NCAM2: variants seen among roughly 807,000 people sequenced by gnomAD.
NCAM2 encodes neural cell adhesion molecule 2, also known as N-CAM-2.
In NCAM2, 30 loss-of-function variants were observed where a neutral mutation model predicts 98.1. The ratio of observed to expected loss-of-function variants is 0.31; its 90% CI spans 0.23 to 0.41. NCAM2 has a LOEUF of 0.41. Among genes scored for constraint, NCAM2 ranks in the 10% least tolerant of loss-of-function variants. NCAM2 has a pLI of 1.00. For synonymous variants in NCAM2, 368 were observed against 342.4 expected (o/e 1.07, Z -0.83); for missense variants, 867 against 1,005.8 (o/e 0.86, Z 1.87).
Position 21,302,376 on chromosome 21 carries a change from C to A in NCAM2, c.619+10135C>A, listed in dbSNP as rs142034950. Among the ~76,000 whole-genome samples, 1,395 of 152,152 alleles carry A rather than the reference C, an allele frequency of 9.2e-3. 27 individuals are homozygous for A. Among genetic ancestry groups the A allele is most frequent in the African/African-American group, 0.032 (1,310 of 41,522 alleles). On this transcript the variant is annotated intron_variant, in intron 5 of 17. Coordinates refer to ENST00000400546, the MANE Select transcript of NCAM2 (RefSeq NM_004540.5). ...AGCACTATTTAATGAATAGGGAGTT[C>A]TTTCCCCAGTGCTTGTTTTTTTGGC...
intron 1 of NCAM2, among the ~76,000 whole-genome samples, chr21:21,271,347 A>G (rs2072490113): frequency 6.6e-6 from 1 of 152,224 alleles, no homozygotes; most frequent in Non-Finnish European, 1.5e-5. Context: ...CGTATCATCC[A>G]GTGGAGAGAC....
intron 5 of NCAM2, among the ~76,000 whole-genome samples, chr21:21,320,909 G>A (rs1042935513): frequency 1.3e-5 from 2 of 152,258 alleles, no homozygotes; most frequent in Middle Eastern, 3.4e-3. Flanking sequence ...GGCTTCCCAG[G>A]TGTTTCACTT....
chr21:21,150,860 C>G (rs1206855571), intron 1 of NCAM2, among the ~76,000 whole-genome samples: 2 of 151,592 alleles, frequency 1.3e-5, no homozygotes, highest in African/African-American at 4.8e-5. Flanking sequence ...GGGAAGTGCT[C>G]TCTGTTGATT....
intron 1 of NCAM2, among the ~76,000 whole-genome samples, chr21:21,197,569 T>G (rs1387505726): frequency 6.6e-6 from 1 of 152,206 alleles, no homozygotes; most frequent in African/African-American, 2.4e-5. Flanking sequence ...TAAAGCCATA[T>G]GTTAAGAGGC....
chr21:21,458,170 A>G (rs1982428862), intron 12 of NCAM2, among the ~76,000 whole-genome samples: 1 of 152,182 alleles, frequency 6.6e-6, no homozygotes, highest in African/African-American at 2.4e-5. Context: ...CTGTTACGCC[A>G]GCACTACGCC....
chr21:21,270,590 A>G (rs1000905948), intron 1 of NCAM2, among the ~76,000 whole-genome samples: 3 of 152,220 alleles, frequency 2.0e-5, no homozygotes, highest in African/African-American at 7.2e-5. Flanking sequence ...TGTGACTTCT[A>G]TATTTACTTC....
At chr21:21,176,510 T>A (rs2068295294) in intron 1 of NCAM2, among the ~76,000 whole-genome samples, 2 of 152,070 alleles carry the variant, frequency 1.3e-5, no homozygotes, top group African/African-American at 4.8e-5. Context: ...TTTTACAAAA[T>A]ATTAACTCTA....
At chr21:21,495,908 G>A (rs1390152676) in intron 15 of NCAM2, among the ~76,000 whole-genome samples, 3 of 150,488 alleles carry the variant, frequency 2.0e-5, no homozygotes, top group East Asian at 1.9e-4. Flanking sequence ...TTTGCCAAGA[G>A]GTAAACAATA....
At chr21:21,008,172 A>AG (rs2064144879) in intron 1 of NCAM2, among the ~76,000 whole-genome samples, 1 of 151,904 alleles carries the variant, frequency 6.6e-6, no homozygotes, top group South Asian at 2.1e-4. Context: ...TTTGATTAAA[A>AG]AAATTACTTA....
chr21:21,403,001 T>G (rs1416047329), intron 9 of NCAM2, among the ~76,000 whole-genome samples: 2 of 152,168 alleles, frequency 1.3e-5, no homozygotes, highest in Non-Finnish European at 1.5e-5. Flanking sequence ...TTGTAACTGA[T>G]GTGAGTTTAT....
chr21:21,232,866 A>G (rs958436132), intron 1 of NCAM2, among the ~76,000 whole-genome samples: 2 of 151,606 alleles, frequency 1.3e-5, no homozygotes, highest in Non-Finnish European at 3.0e-5. Flanking sequence ...CTTTTGACAT[A>G]TTTAATTACA....
At chr21:21,432,982 T>C (rs2077377477) in intron 12 of NCAM2, among the ~76,000 whole-genome samples, 1 of 152,190 alleles carries the variant, frequency 6.6e-6, no homozygotes. Context: ...CATAGGTCTG[T>C]TCTATGAGGA....
chr21:21,386,410 G>A (rs1489683786), intron 9 of NCAM2, among the ~76,000 whole-genome samples: 1 of 152,094 alleles, frequency 6.6e-6, no homozygotes, highest in East Asian at 1.9e-4. Flanking sequence ...AAACTTTAAA[G>A]AAGATGGCTC....
intron 1 of NCAM2, among the ~76,000 whole-genome samples, chr21:21,009,613 C>G (rs2064170516): frequency 6.6e-6 from 1 of 151,646 alleles, no homozygotes; most frequent in Non-Finnish European, 1.5e-5. Flanking sequence ...GTATAATTAA[C>G]TAGATTAGAT....
At chr21:21,245,556 C>T (rs545110808) in intron 1 of NCAM2, among the ~76,000 whole-genome samples, 2 of 152,256 alleles carry the variant, frequency 1.3e-5, no homozygotes, top group Admixed American at 6.5e-5. Context: ...CAGGAAGACC[C>T]ATGAAGATAA....
chr21:21,435,338 CAT>C, intron 12 of NCAM2, among the ~76,000 whole-genome samples: 1 of 152,236 alleles, frequency 6.6e-6, no homozygotes, highest in South Asian at 2.1e-4. Flanking sequence ...ATGCAAATAT[CAT>C]ATCTCTCCTC....
At chr21:21,527,794 C>T (rs112030448) in intron 16 of NCAM2, among the ~76,000 whole-genome samples, 1 of 152,138 alleles carries the variant, frequency 6.6e-6, no homozygotes, top group African/African-American at 2.4e-5. Flanking sequence ...TTAGCAGCTT[C>T]TCAAGAAAAT....
At chr21:21,208,105 G>T (rs1224450187) in intron 1 of NCAM2, among the ~76,000 whole-genome samples, 1 of 152,100 alleles carries the variant, frequency 6.6e-6, no homozygotes, top group East Asian at 1.9e-4. Flanking sequence ...TTGAAATGCT[G>T]TGTTAGATCA....
chr21:21,061,511 T>C (rs7276135), intron 1 of NCAM2, among the ~76,000 whole-genome samples: 29,615 of 152,106 alleles, frequency 0.19, 3,172 homozygotes, highest in African/African-American at 0.25. Context: ...ATAAAAAGTA[T>C]GAAGCCCCTT....
Sources: gnomAD v4.1 joint callset for allele counts (sites outside exome capture counted in the v4.1 genomes callset) on GRCh38, gnomAD v4.1.1 for gene constraint, MANE v1.5 for transcripts, NCBI Gene and HGNC (gene_info 2026-07-23, HGNC 2026-07-21) for gene names.